The following DOK6 variants were observed in gnomAD, a reference collection of about 807,000 sequenced individuals.
The protein encoded by DOK6 is docking protein 6.
DOK6 carries 22 observed loss-of-function variants against 44.0 expected under a neutral mutation model. That is an observed-to-expected ratio of 0.50 (90% CI 0.36 to 0.71). DOK6 has a LOEUF of 0.71. DOK6 is among the 30% of genes least tolerant of loss of function. DOK6 has a pLI of 0.00. For synonymous variants in DOK6, 166 were observed against 145.5 expected (o/e 1.14, Z -1.01); for missense variants, 340 against 416.4 (o/e 0.82, Z 1.60).
chr18:69,710,813 GT>G (rs1292616509), intron 5 of DOK6, among the ~76,000 whole-genome samples: 2 of 152,122 alleles, frequency 1.3e-5, no homozygotes, highest in Admixed American at 6.5e-5. Context: ...GGTATTTTTT[GT>G]TTGCTTATTT....
chr18:69,623,057 G>A (rs1984479283), intron 3 of DOK6, among the ~76,000 whole-genome samples: 1 of 152,146 alleles, frequency 6.6e-6, no homozygotes, highest in African/African-American at 2.4e-5. Context: ...GAATTATGGG[G>A]GGTGGACTTC....
chr18:69,736,284 A>G (rs1447569077), intron 5 of DOK6, among the ~76,000 whole-genome samples: 5 of 151,228 alleles, frequency 3.3e-5, no homozygotes, highest in Non-Finnish European at 7.4e-5. Context: ...TGAATCCTAT[A>G]TTGTTATAAT....
At chr18:69,416,486 T>G (rs1355007612) in intron 1 of DOK6, among the ~76,000 whole-genome samples, 1 of 152,138 alleles carries the variant, frequency 6.6e-6, no homozygotes, top group Non-Finnish European at 1.5e-5. Flanking sequence ...ACAGTGAGAA[T>G]TGTTCCCTTC....
At chr18:69,496,126 C>T (rs1980880685) in intron 1 of DOK6, among the ~76,000 whole-genome samples, 1 of 152,206 alleles carries the variant, frequency 6.6e-6, no homozygotes, top group South Asian at 2.1e-4. Flanking sequence ...GTGACTTGGG[C>T]ATCTGCAGCT....
intron 1 of DOK6, chr18:69,532,753 T>C (rs534222860): frequency 6.6e-6 from 1 of 152,336 alleles, no homozygotes; most frequent in African/African-American, 2.4e-5. Context: ...CCCCAGCTCC[T>C]CAGGAGGGTA....
intron 1 of DOK6, among the ~76,000 whole-genome samples, chr18:69,557,193 C>A (rs1428121670): frequency 6.6e-6 from 1 of 152,154 alleles, no homozygotes; most frequent in Admixed American, 6.5e-5. Context: ...CTTTCTAACA[C>A]CCCCTTTAGA....
intron 1 of DOK6, among the ~76,000 whole-genome samples, chr18:69,403,515 A>G (rs1916142625): frequency 6.6e-6 from 1 of 152,202 alleles, no homozygotes; most frequent in Non-Finnish European, 1.5e-5. Flanking sequence ...GAAAACAATA[A>G]AAGTGTGTTC....
At chr18:69,650,295 T>C (rs1985190242) in intron 3 of DOK6, among the ~76,000 whole-genome samples, 1 of 152,096 alleles carries the variant, frequency 6.6e-6, no homozygotes, top group South Asian at 2.1e-4. Context: ...TAATCTTAAG[T>C]GGGAGTTTCA....
At chr18:69,747,632 A>T (rs1203586062) in intron 6 of DOK6, among the ~76,000 whole-genome samples, 1 of 150,996 alleles carries the variant, frequency 6.6e-6, no homozygotes, top group East Asian at 2.0e-4. Context: ...ATCAAAGTCT[A>T]AAGAGCAATG....
At chr18:69,671,721 C>A (rs1985803426) in intron 3 of DOK6, among the ~76,000 whole-genome samples, 2 of 152,124 alleles carry the variant, frequency 1.3e-5, no homozygotes, top group Admixed American at 1.3e-4. Context: ...CAATAGAGAC[C>A]TCAAAATATC....
chr18:69,468,938 C>T (rs1980006397), intron 1 of DOK6, among the ~76,000 whole-genome samples: 2 of 152,274 alleles, frequency 1.3e-5, no homozygotes, highest in East Asian at 3.9e-4. Context: ...TCAGAGTAAG[C>T]CGCACCCGGA....
intron 4 of DOK6, among the ~76,000 whole-genome samples, chr18:69,687,797 A>G (rs1391794095): frequency 6.6e-6 from 1 of 152,202 alleles, no homozygotes; most frequent in African/African-American, 2.4e-5. Context: ...TTTTTCTCCT[A>G]AGGTTGGGAA....
At chr18:69,698,640 G>T in intron 5 of DOK6, 47 bp downstream of exon 5, 1 of 1,582,642 alleles carries the variant, frequency 6.3e-7, no homozygotes, top group Non-Finnish European at 8.6e-7. Flanking sequence ...CTGTATAACA[G>T]AGTCTGTATA....
intron 1 of DOK6, among the ~76,000 whole-genome samples, chr18:69,425,836 T>C (rs356008): frequency 0.99 from 150,829 of 152,166 alleles, 74,766 homozygotes; most frequent in Middle Eastern, 1. Flanking sequence ...AAATATTTCT[T>C]TAAATATTAA....
At chr18:69,593,746 G>C (rs1211062900) in intron 2 of DOK6, among the ~76,000 whole-genome samples, 1 of 152,032 alleles carries the variant, frequency 6.6e-6, no homozygotes, top group Non-Finnish European at 1.5e-5. Flanking sequence ...CACAATATCT[G>C]TTCTAATATT....
At chr18:69,686,480 T>G (rs1055781892) in intron 4 of DOK6, among the ~76,000 whole-genome samples, 3 of 152,150 alleles carry the variant, frequency 2.0e-5, no homozygotes, top group Non-Finnish European at 4.4e-5. Flanking sequence ...ACATTTTTCT[T>G]TGAGCATGGA....
At chr18:69,584,124 A>G (rs1253957122) in intron 2 of DOK6, among the ~76,000 whole-genome samples, 3 of 95,254 alleles carry the variant, frequency 3.1e-5, no homozygotes, top group Admixed American at 1.1e-4. Flanking sequence ...AAAAAAAAAA[A>G]AAAGAAAAGA....
intron 6 of DOK6, among the ~76,000 whole-genome samples, chr18:69,751,655 C>T (rs535176954): frequency 2.1e-4 from 32 of 152,096 alleles, no homozygotes; most frequent in East Asian, 5.8e-4. Flanking sequence ...TTTTAATGTA[C>T]GGAAACTACT....
In DOK6 at chr18:69,410,720, T is replaced by C. The variant is rs1367477617; in HGVS notation, c.66+9410T>C. Among the ~76,000 whole-genome samples, 3 of 152,188 alleles carry C rather than the reference T, an allele frequency of 2.0e-5. No homozygotes were observed. In the East Asian group the frequency reaches 5.8e-4, roughly 29 times the overall value. On this transcript the variant is annotated intron_variant, in intron 1 of 7. Coordinates refer to ENST00000382713, the MANE Select transcript of DOK6 (RefSeq NM_152721.6). ...GCAATGTGGATGCTCTTGAAAGATT[T>C]CAATTGTCTAATTTGTGTATTCTCA...
Sources: gnomAD v4.1 joint callset for allele counts (sites outside exome capture counted in the v4.1 genomes callset) on GRCh38, gnomAD v4.1.1 for gene constraint, MANE v1.5 for transcripts, NCBI Gene and HGNC (gene_info 2026-07-23, HGNC 2026-07-21) for gene names.